The following SPG21 variants were observed in gnomAD, a reference collection of about 807,000 sequenced individuals.
SPG21 encodes the protein maspardin.
SPG21 carries 26 observed loss-of-function variants against 38.9 expected under a neutral mutation model. The observed-to-expected ratio is 0.67, with a 90% CI of 0.49 to 0.93. The LOEUF is 0.93. SPG21 is among the 40% of genes least tolerant of loss of function. The pLI is 0.00. For missense variants in SPG21, 333 were observed against 376.5 expected (o/e 0.88, Z 0.96); for synonymous variants, 136 against 128.9 (o/e 1.05, Z -0.37).
At chr15:64,967,454 T>C (rs2085562803) in intron 7 of SPG21, among the ~76,000 whole-genome samples, 1 of 149,156 alleles carries the variant, frequency 6.7e-6, no homozygotes, top group Admixed American at 6.8e-5. Flanking sequence ...TGTGGCACCA[T>C]GTCCAGCTAA....
chr15:64,976,123 A>G (rs2085767060), intron 4 of SPG21, among the ~76,000 whole-genome samples: 1 of 152,190 alleles, frequency 6.6e-6, no homozygotes. Flanking sequence ...CAATAAAGCT[A>G]TTATTAAAAA....
chr15:64,973,797 T>C (rs2085720153), intron 5 of SPG21, among the ~76,000 whole-genome samples: 2 of 152,168 alleles, frequency 1.3e-5, no homozygotes, highest in African/African-American at 4.8e-5. Flanking sequence ...ATATCAAGGG[T>C]CATGATGTGC....
At chr15:64,977,423 G>A (rs1016158877) in intron 3 of SPG21, among the ~76,000 whole-genome samples, 8 of 152,112 alleles carry the variant, frequency 5.3e-5, no homozygotes, top group Admixed American at 2.6e-4. Flanking sequence ...GCATTGGCAC[G>A]ATTGTAGCTC....
rs377558467 is a variant in SPG21 at position 64,970,204 on chromosome 15, T to C, written c.471A>G (p.Ala157=). 3.2e-5 allele frequency: 52 copies of C among 1,614,028 alleles called. 1 individual carries two copies. In the African/African-American group the frequency reaches 5.9e-4, roughly 18 times the overall value. Residue 157 remains alanine, a synonymous_variant, in exon 6 of 9, where the codon GCA becomes GCG. Transcript: ENST00000204566. ...CAAGAACTATTTTTTTGAGCATAAA[T>C]GCAGGCATCAGCCAAAAGCTGTAAA... ...WTANSFWLMP[A]FMLKKIVLGN...
At chr15:64,984,868 G>A (rs2085958504) in intron 1 of SPG21, among the ~76,000 whole-genome samples, 1 of 151,280 alleles carries the variant, frequency 6.6e-6, no homozygotes, top group Admixed American at 6.6e-5. Flanking sequence ...TCCTGCCTCA[G>A]CCTCCTGAGT....
At chr15:64,968,229 A>G (rs533765111) in intron 7 of SPG21, among the ~76,000 whole-genome samples, 1 of 151,650 alleles carries the variant, frequency 6.6e-6, no homozygotes, top group East Asian at 2.0e-4. Context: ...GGTCCAAGCT[A>G]CTAAGGAGGC....
intron 2 of SPG21, chr15:64,982,889 C>G: frequency 6.6e-6 from 1 of 152,572 alleles, no homozygotes; most frequent in Non-Finnish European, 1.5e-5. Flanking sequence ...TATACAGTTG[C>G]TGTAAACTTT....
At chr15:64,976,620 G>T in intron 3 of SPG21, 65 bp from the exon 4 acceptor site, 1 of 1,270,074 alleles carries the variant, frequency 7.9e-7, no homozygotes, top group South Asian at 1.3e-5. Context: ...TCACGTATTT[G>T]AAAAACTTAG....
At chr15:64,968,135 T>C (rs2085580503) in intron 7 of SPG21, among the ~76,000 whole-genome samples, 1 of 151,974 alleles carries the variant, frequency 6.6e-6, no homozygotes, top group Non-Finnish European at 1.5e-5. Flanking sequence ...ACAGCTTGAG[T>C]CCCAGAGTTT....
intron 1 of SPG21, among the ~76,000 whole-genome samples, chr15:64,985,394 T>C (rs577582861): frequency 2.6e-5 from 4 of 152,312 alleles, no homozygotes; most frequent in Non-Finnish European, 5.9e-5. Flanking sequence ...CTAAGGAGAA[T>C]GAAGGGGGCC....
At chr15:64,987,863 C>T (rs764781943) in intron 1 of SPG21, among the ~76,000 whole-genome samples, 4 of 152,134 alleles carry the variant, frequency 2.6e-5, no homozygotes, top group African/African-American at 4.8e-5. Context: ...GGTGCAGCCC[C>T]GTCTCTACTA....
At chr15:64,985,787 G>A (rs946504427) in intron 1 of SPG21, among the ~76,000 whole-genome samples, 1 of 152,192 alleles carries the variant, frequency 6.6e-6, no homozygotes, top group Non-Finnish European at 1.5e-5. Context: ...CAGGAACACA[G>A]AGCCCTCAGT....
chr15:64,970,595 TTA>T (rs1333915114), intron 5 of SPG21, among the ~76,000 whole-genome samples: 2 of 152,216 alleles, frequency 1.3e-5, no homozygotes, highest in African/African-American at 4.8e-5. Flanking sequence ...CTGGTTGATA[TTA>T]TGTTTTTATC....
At chr15:64,983,672 T>A in intron 1 of SPG21, 79 bp from the exon 2 acceptor site, 1 of 867,110 alleles carries the variant, frequency 1.2e-6, no homozygotes, top group Non-Finnish European at 1.9e-6. Context: ...CATCTAGCTA[T>A]ACCAACAATA....
intron 7 of SPG21, among the ~76,000 whole-genome samples, chr15:64,966,944 A>C (rs1472106280): frequency 6.6e-6 from 1 of 152,134 alleles, no homozygotes; most frequent in East Asian, 1.9e-4. Context: ...TATTATTTGA[A>C]TTTAGGAACA....
chr15:64,971,595 T>G (rs1009398056), intron 5 of SPG21, among the ~76,000 whole-genome samples: 1 of 151,190 alleles, frequency 6.6e-6, no homozygotes, highest in Non-Finnish European at 1.5e-5. Context: ...ATCCAGAACT[T>G]TGGGAGGCCA....
chr15:64,975,558 C>T (rs2085758527), intron 4 of SPG21, among the ~76,000 whole-genome samples: 1 of 150,704 alleles, frequency 6.6e-6, no homozygotes. Context: ...AACTCAAAAC[C>T]ACTTAGTGGT....
chr15:64,966,451 G>A (rs2085541576), intron 7 of SPG21, among the ~76,000 whole-genome samples: 1 of 152,182 alleles, frequency 6.6e-6, no homozygotes, highest in Admixed American at 6.5e-5. Context: ...AGCTTTGAAA[G>A]AAGGGCAGGC....
At chr15:64,984,114 A>T (rs1050389852) in intron 1 of SPG21, among the ~76,000 whole-genome samples, 1 of 152,076 alleles carries the variant, frequency 6.6e-6, no homozygotes. Context: ...AATTATTCCA[A>T]CACCCTTAGT....
Sources: gnomAD v4.1 joint callset for allele counts (sites outside exome capture counted in the v4.1 genomes callset) on GRCh38, gnomAD v4.1.1 for gene constraint, MANE v1.5 for transcripts, NCBI Gene and HGNC (gene_info 2026-07-23, HGNC 2026-07-21) for gene names.